SPATA21: variants seen among roughly 807,000 people sequenced by gnomAD.
SPATA21 encodes spermatogenesis associated 21.
Under a neutral mutation model 54.8 loss-of-function variants are expected in SPATA21, and 47 were observed. The observed-to-expected ratio is 0.86, with a 90% CI of 0.68 to 1.09. The LOEUF (loss-of-function observed/expected upper bound fraction) is 1.09. Ranked by LOEUF, SPATA21 falls within the 50% of genes least tolerant of loss-of-function variation. The pLI, the probability that SPATA21 is intolerant of heterozygous loss-of-function variation, is 0.00. For synonymous variants in SPATA21, 245 were observed against 235.3 expected, an observed-to-expected ratio of 1.04 and a Z score of -0.38; for missense variants, 599 against 596.4, an observed-to-expected ratio of 1.00 and a Z score of -0.05.
intron 7 of SPATA21, 147 bp downstream of exon 7, chr1:16,408,971 C>T: frequency 2.6e-6 from 2 of 766,502 alleles, no homozygotes; most frequent in Non-Finnish European, 4.2e-6. Flanking sequence ...GCCCCATAGG[C>T]CAAGTGCAGA....
At position 16,431,389 on chromosome 1, in the gene SPATA21, G is replaced by A. The variant is rs757172493; in HGVS notation, c.-18C>T. The A allele has an allele frequency of 4.3e-6, 7 of 1,613,766 alleles. No homozygotes were observed. The highest frequency in any genetic ancestry group is 1.7e-5 in the Admixed American group (1 of 59,954). On this transcript the variant is annotated 5_prime_UTR_variant, in exon 3 of 13. Transcript: ENST00000335496. Reference sequence around the variant, plus strand: ...TTGTCCATGATGCCAGCGCCAACACGGGTGCCAAGTGAGGGGCATCACCTA... The same window carrying A: ...TTGTCCATGATGCCAGCGCCAACACAGGTGCCAAGTGAGGGGCATCACCTA...
intron 3 of SPATA21, among the ~76,000 whole-genome samples, chr1:16,424,229 C>A (rs1355827933): frequency 1.8e-5 from 2 of 111,548 alleles, no homozygotes; most frequent in African/African-American, 3.5e-5. Context: ...AGGAGAATGG[C>A]ATGAACCTGG....
chr1:16,416,384 G>A (rs78411435), intron 5 of SPATA21, among the ~76,000 whole-genome samples: 1 of 152,070 alleles, frequency 6.6e-6, no homozygotes, highest in Admixed American at 6.6e-5. Flanking sequence ...CACAGTTAAA[G>A]AATGTGGTGG....
chr1:16,426,072 T>C (rs1425650305), intron 3 of SPATA21, among the ~76,000 whole-genome samples: 1 of 151,944 alleles, frequency 6.6e-6, no homozygotes, highest in Non-Finnish European at 1.5e-5. Flanking sequence ...TATAGTATTT[T>C]TAAACTGTTT....
intron 1 of SPATA21, among the ~76,000 whole-genome samples, chr1:16,434,035 A>G (rs1353642692): frequency 6.6e-6 from 1 of 152,142 alleles, no homozygotes; most frequent in Non-Finnish European, 1.5e-5. Flanking sequence ...GCCCTAGGTA[A>G]CCACTAATCT....
chr1:16,410,189 C>A (rs1570132923), intron 5 of SPATA21, 146 bp from the exon 6 acceptor site: 1 of 639,012 alleles, frequency 1.6e-6, no homozygotes, highest in Non-Finnish European at 2.6e-6. Context: ...CTCACATGCA[C>A]CCCACTGTGC....
chr1:16,429,451 G>T (rs1465025466), intron 3 of SPATA21, among the ~76,000 whole-genome samples: 2 of 151,316 alleles, frequency 1.3e-5, no homozygotes, highest in African/African-American at 4.9e-5. Context: ...TTATTGTATT[G>T]TATTTTATTT....
rs559308703 is a variant in SPATA21, at chr1:16,422,285, A to G, written c.35-314T>C. On this transcript the variant is annotated intron_variant, in intron 3 of 12. Transcript: ENST00000335496. ...CCAGGCGAACTGGAGACCAGTTATT[A>G]CACACTTACTAGGGTCCCAGCACTT... The G allele has an allele frequency of 4.7e-5, 58 of 1,232,710 alleles. No individual in the cohort carries two copies. In the East Asian group the frequency reaches 1.9e-3, roughly 40 times the overall value. The allele number at this position is 1,232,710 out of a possible 1,614,324, so 76.4% of individuals were successfully genotyped here.
At chr1:16,433,383 C>T (rs924160157) in intron 1 of SPATA21, among the ~76,000 whole-genome samples, 2 of 152,236 alleles carry the variant, frequency 1.3e-5, no homozygotes, top group Non-Finnish European at 2.9e-5. Flanking sequence ...TCACCTGGAG[C>T]GGAAAAGTCA....
chr1:16,421,618 C>T lies in SPATA21; in HGVS notation c.96-61G>A. 6.6e-7 allele frequency: 1 copy of T among 1,522,486 alleles called. No homozygotes were observed. The highest frequency in any genetic ancestry group is 9.0e-7 in the Non-Finnish European group (1 of 1,117,096). 94.3% of individuals were successfully genotyped at this position (1,522,486 alleles called of 1,614,324 possible). On this transcript the variant is annotated intron_variant, in intron 4 of 12. Transcript: ENST00000335496. This position sits in a 1 kb window ranked among gnomAD's most constrained non-coding sequence, Gnocchi z 5.2. ...CTCAGCTGAAGGTTTGCCCCCCTGC[C>T]CTCCCCTCTCAGCCCCCAGGACACT...
chr1:16,400,457 C>A, intron 11 of SPATA21: 2 of 1,192,744 alleles, frequency 1.7e-6, no homozygotes, highest in South Asian at 3.0e-5. Context: ...GCTGTTCTTT[C>A]TCAGTCCTGG....
At chr1:16,425,531 C>G in intron 3 of SPATA21, 1 of 1,548,754 alleles carries the variant, frequency 6.5e-7, no homozygotes, top group Non-Finnish European at 8.7e-7. Context: ...TACCTGGCAG[C>G]TCTCAGGAGG....
intron 3 of SPATA21, 122 bp downstream of exon 3, chr1:16,431,216 A>G: frequency 6.3e-7 from 1 of 1,587,636 alleles, no homozygotes; most frequent in Non-Finnish European, 8.6e-7. Flanking sequence ...GAGTGAATGG[A>G]TCAGAACATG....
At chr1:16,413,265 T>C (rs113162922) in intron 5 of SPATA21, among the ~76,000 whole-genome samples, 87 of 152,344 alleles carry the variant, frequency 5.7e-4, no homozygotes, top group African/African-American at 1.9e-3. Context: ...ATAAGCAGAA[T>C]TGCTTTGTCT....
rs1340289479 is a variant in SPATA21 at position 16,403,823 on chromosome 1, A to G, written c.905T>C (p.Met302Thr). The change falls in exon 10 of 13, where the codon ATG becomes ACG. Residue 302 changes from methionine to threonine, a missense_variant. By Grantham distance (81) the Met-to-Thr change is moderately conservative (BLOSUM62 -1). Transcript: ENST00000335496. ...CSVEQNALSDMAPHNPHTLLF... is the reference protein window; with the variant it reads ...CSVEQNALSDTAPHNPHTLLF... ...TAGAGTGTGGGGGTTGTGGGGAGCC[A>G]TGTCCGACAGGGCGTTCTGTTCTGG... 4 of 1,610,616 alleles carry G rather than the reference A, an allele frequency of 2.5e-6. No individual in the cohort carries two copies. The highest frequency in any genetic ancestry group is 3.4e-6 in the Non-Finnish European group (4 of 1,178,358).
At chr1:16,395,878 C>A (rs530777672), downstream of SPATA21, 1 of 152,812 alleles carries the variant, frequency 6.5e-6, no homozygotes, top group Non-Finnish European at 1.5e-5. Context: ...CCTCCCTCCC[C>A]GAGCTAAGTC....
Position 16,421,908 on chromosome 1 carries a change from T to C in SPATA21, c.95+3A>G. The stretch of plus-strand genomic sequence containing the variant: ...CAGGGGATGGCACTGGATGATGACT[T>C]ACCCTCCTTTTGCTTTTTTAGGTCC... On this transcript the variant is annotated splice_donor_region_variant and intron_variant, in intron 4 of 12. Transcript: ENST00000335496. This position sits in a 1 kb window ranked among gnomAD's most constrained non-coding sequence, Gnocchi z 5.2. 1.2e-6 allele frequency: 2 copies of C among 1,614,196 alleles called. No homozygotes were observed. Among genetic ancestry groups the C allele is most frequent in the Non-Finnish European group, 1.7e-6 (2 of 1,180,022 alleles).
chr1:16,403,197 G>A (rs1342024760), intron 10 of SPATA21, among the ~76,000 whole-genome samples: 1 of 152,086 alleles, frequency 6.6e-6, no homozygotes. Flanking sequence ...ACCCAGATAG[G>A]GTCCATCGAA....
intron 3 of SPATA21, among the ~76,000 whole-genome samples, chr1:16,426,372 C>T (rs2086316866): frequency 6.6e-6 from 1 of 151,698 alleles, no homozygotes; most frequent in Admixed American, 6.6e-5. Flanking sequence ...AATCCTCCCG[C>T]CTTAGCCTCC....
Sources: gnomAD v4.1 joint callset for allele counts (sites outside exome capture counted in the v4.1 genomes callset) on GRCh38, gnomAD v4.1.1 for gene constraint, Gnocchi (gnomAD v3.1) non-coding constraint, MANE v1.5 for transcripts, NCBI Gene and HGNC (gene_info 2026-07-23, HGNC 2026-07-21) for gene names.